Variants in ATP1B4 observed in about 807,000 individuals in gnomAD.
ATP1B4 encodes ATPase Na+/K+ transporting family member beta 4, also known as protein ATP1B4.
ATP1B4 carries 32 observed loss-of-function variants against 29.6 expected under a neutral mutation model. The ratio of observed to expected loss-of-function variants is 1.08; its 90% CI spans 0.82 to 1.45. The LOEUF (loss-of-function observed/expected upper bound fraction) is 1.45. ATP1B4 is among the 40% of genes most tolerant of loss of function. ATP1B4 has a pLI of 0.00. For missense variants in ATP1B4, 323 were observed against 276.2 expected, an observed-to-expected ratio of 1.17 and a Z score of -1.20; for synonymous variants, 127 against 102.1, an observed-to-expected ratio of 1.24 and a Z score of -1.47.
rs368302805 is a variant in ATP1B4, at chrX:120,366,698, C to A, written c.237C>A (p.Gly79=). The change falls in exon 2 of 8, where the codon GGC becomes GGA. Residue 79 remains glycine (G), a synonymous_variant. Coordinates refer to ENST00000218008, the MANE Select transcript of ATP1B4 (RefSeq NM_001142447.3). The part of the protein sequence containing the change: ...EEEEGQGQPT[G]NAWWQKLQIM... ...AAGAGGGTCAAGGTCAGCCAACAGG[C>A]AATGCCTGGTGGCAGAAATTGCAGA... is the stretch of plus-strand genomic sequence containing the variant. 6.9e-5 allele frequency: 83 copies of A among 1,209,316 alleles called. No individual in the cohort carries two copies. The highest frequency in any genetic ancestry group is 8.8e-5 in the Non-Finnish European group (79 of 894,991).
In ATP1B4 at chrX:120,372,442, T is replaced by C. The variant is rs905822705; in HGVS notation, c.562+1232T>C. Among the ~76,000 whole-genome samples the C allele has an allele frequency of 2.4e-4, 27 of 111,987 alleles. 1 individual carries two copies. In the Admixed American group the frequency reaches 2.5e-3, roughly 10 times the overall value. On this transcript the variant is annotated intron_variant, in intron 4 of 7. Transcript: ENST00000218008. Reference sequence around the variant, plus strand: ...CTTTAACTCTGCATAATAAAGTTGATCACGCTCATTTTATAAATGAGAAAA... The same window carrying C: ...CTTTAACTCTGCATAATAAAGTTGACCACGCTCATTTTATAAATGAGAAAA...
At chrX:120,374,939 ACCTTGAATGTTTCAGTC>A (rs1283692927) in intron 4 of ATP1B4, among the ~76,000 whole-genome samples, 17 of 99,581 alleles carry the variant, frequency 1.7e-4, no homozygotes, top group African/African-American at 5.5e-4. Flanking sequence ...TATATACCAT[ACCTTGAATGTTTCAGTC>A]CCTCTTCCAA....
intron 2 of ATP1B4, among the ~76,000 whole-genome samples, chrX:120,368,788 G>A (rs906496829): frequency 8.9e-6 from 1 of 111,852 alleles, no homozygotes; most frequent in Admixed American, 9.5e-5. Flanking sequence ...GTTACTTAGT[G>A]GTCTATTCAA....
At position 120,381,955 on chromosome X, in the gene ATP1B4, T is replaced by A. The variant is rs1186352993; in HGVS notation, c.*2321T>A. 8.9e-6 allele frequency: 1 copy of A among 111,839 alleles called. No homozygotes were observed. The highest frequency in any genetic ancestry group is 1.9e-5 in the Non-Finnish European group (1 of 53,170). The allele number at this position is 111,839 out of a possible 1,213,427, so 9.2% of individuals were successfully genotyped here. ...GGTTTGGAGAGATCAATTTTGAACA[T>A]TTTAGACATGATTTTCTATTGGTCA... On this transcript the variant is annotated 3_prime_UTR_variant, in exon 8 of 8. Coordinates refer to ENST00000218008, the MANE Select transcript of ATP1B4 (RefSeq NM_001142447.3).
Position 120,379,949 on chromosome X carries a change from C to T in ATP1B4, c.*315C>T, listed in dbSNP as rs929745058. The T allele has an allele frequency of 8.5e-5, 14 of 165,257 alleles. No individual in the cohort carries two copies. Among genetic ancestry groups the T allele is most frequent in the Admixed American group, 1.6e-4 (2 of 12,190 alleles). The allele number at this position is 165,257 out of a possible 1,213,427, so 13.6% of individuals were successfully genotyped here. On this transcript the variant is annotated 3_prime_UTR_variant, in exon 8 of 8. Coordinates refer to ENST00000218008, the MANE Select transcript of ATP1B4 (RefSeq NM_001142447.3). ...TATCTGATAAAATTTACAATAGCCA[C>T]GCAATAGCCATCAAGGAGAATTTCT...
intron 4 of ATP1B4, among the ~76,000 whole-genome samples, chrX:120,374,215 A>T (rs2058328572): frequency 9.1e-6 from 1 of 110,092 alleles, no homozygotes; most frequent in African/African-American, 3.3e-5. Flanking sequence ...TTGGGTCTGC[A>T]GTGCCCCGCC....
chrX:120,362,258 G>C (rs772042850), intron 1 of ATP1B4, 27 bp downstream of exon 1: 1 of 1,176,741 alleles, frequency 8.5e-7, no homozygotes, highest in East Asian at 3.0e-5. Flanking sequence ...AGAATATTTT[G>C]CTGCCCCCTC....
At chrX:120,377,744 A>G (rs2058363437) in intron 6 of ATP1B4, among the ~76,000 whole-genome samples, 1 of 112,011 alleles carries the variant, frequency 8.9e-6, no homozygotes, top group Admixed American at 9.5e-5. Context: ...ATATATTAAG[A>G]ATCTCTATAC....
At position 120,379,903 on chromosome X, in the gene ATP1B4, C is replaced by T. The variant is rs937272164; in HGVS notation, c.*269C>T. 8 of 250,551 alleles carry T rather than the reference C, an allele frequency of 3.2e-5. No homozygotes were observed. Among genetic ancestry groups the T allele is most frequent in the Non-Finnish European group, 5.6e-5 (8 of 143,757 alleles). 20.6% of individuals were successfully genotyped at this position (250,551 alleles called of 1,213,427 possible). ...AAAGCCTGTTCTTGCTGCTGGTAAT[C>T]TCCCTGTAGCGTAAACATAGTATCT... On this transcript the variant is annotated 3_prime_UTR_variant, in exon 8 of 8. Transcript: ENST00000218008.
Position 120,362,675 on chromosome X carries a change from A to C in ATP1B4, c.63+444A>C, listed in dbSNP as rs781330209. Among the ~76,000 whole-genome samples, 27 of 111,590 alleles carry C rather than the reference A, an allele frequency of 2.4e-4. 1 individual carries two copies. The highest frequency in any genetic ancestry group is 5.7e-5 in the Non-Finnish European group (3 of 53,075). On this transcript the variant is annotated intron_variant, in intron 1 of 7. Transcript: ENST00000218008. ...TTAGAGTCCAGCTGCTCTCTTTCTA[A>C]AGTAGAAATTCCAAACTATAGCTAA... is the stretch of plus-strand genomic sequence containing the variant.
In ATP1B4 at chrX:120,379,690, C is replaced by G. The variant is rs777660538; in HGVS notation, c.*56C>G. The G allele has an allele frequency of 2.8e-5, 30 of 1,086,480 alleles. No individual in the cohort carries two copies. In the Middle Eastern group the frequency reaches 1.7e-3, roughly 62 times the overall value. 89.5% of individuals were successfully genotyped at this position (1,086,480 alleles called of 1,213,427 possible). The stretch of plus-strand genomic sequence containing the variant: ...GTTTCTGTTTTATCTCATGGTATCT[C>G]TGGTAGCACCTGAATTCTTTTTCTT... On this transcript the variant is annotated 3_prime_UTR_variant, in exon 8 of 8. Coordinates refer to ENST00000218008, the MANE Select transcript of ATP1B4 (RefSeq NM_001142447.3).
intron 2 of ATP1B4, among the ~76,000 whole-genome samples, chrX:120,370,024 T>C (rs1030347700): frequency 8.9e-6 from 1 of 111,827 alleles, no homozygotes; most frequent in African/African-American, 3.3e-5. Flanking sequence ...CCATCTTACC[T>C]GTGAGGAATT....
Position 120,366,771 on chromosome X carries a change from C to T in ATP1B4, c.310C>T (p.Arg104Ter), listed in dbSNP as rs768162092. Residue 104 changes from arginine (R) to a stop codon, truncating the protein, a stop_gained, in exon 2 of 8, where the codon CGA becomes TGA. Coordinates refer to ENST00000218008, the MANE Select transcript of ATP1B4 (RefSeq NM_001142447.3). LOFTEE classifies it high-confidence loss of function. ...WDPERRMFLARTGQSWSLILL... is the reference protein window; with the variant it reads ...WDPERRMFLA The stretch of plus-strand genomic sequence containing the variant: ...TCCAGAGAGAAGGATGTTTCTGGCC[C>T]GAACAGGTCAGAGTTGGAGTAAGTC... 13 of 1,210,439 alleles carry T rather than the reference C, an allele frequency of 1.1e-5. No individual in the cohort carries two copies. The highest frequency in any genetic ancestry group is 6.5e-5 in the Admixed American group (3 of 46,023).
intron 2 of ATP1B4, among the ~76,000 whole-genome samples, chrX:120,370,249 A>G (rs1372434183): frequency 1.8e-5 from 2 of 112,269 alleles, no homozygotes; most frequent in Non-Finnish European, 3.8e-5. Context: ...GTGGAAATTC[A>G]TCAAAAGTTT....
In ATP1B4 at chrX:120,380,454, T is replaced by C. The variant is rs1010443328; in HGVS notation, c.*820T>C. Reference sequence around the variant, plus strand: ...TAGAGATGAAGACCGTCCTTGTGACTTTTTAAAGAGGTGGGGCTCACTGCA... The same window carrying C: ...TAGAGATGAAGACCGTCCTTGTGACCTTTTAAAGAGGTGGGGCTCACTGCA... On this transcript the variant is annotated 3_prime_UTR_variant, in exon 8 of 8. Coordinates refer to ENST00000218008, the MANE Select transcript of ATP1B4 (RefSeq NM_001142447.3). 5.3e-5 allele frequency: 6 copies of C among 112,349 alleles called. No homozygotes were observed. The highest frequency in any genetic ancestry group is 1.9e-4 in the African/African-American group (6 of 30,904). 9.3% of individuals were successfully genotyped at this position (112,349 alleles called of 1,213,427 possible). A position where few individuals can be genotyped will look rare whatever the true frequency, so the allele number is the denominator to read the frequency against.
At chrX:120,378,068 TA>T (rs1245923726) in intron 6 of ATP1B4, among the ~76,000 whole-genome samples, 3 of 110,729 alleles carry the variant, frequency 2.7e-5, no homozygotes, top group African/African-American at 9.9e-5. Flanking sequence ...TCTTGTTGCT[TA>T]CCCCTCTGAC....
Position 120,370,735 on chromosome X carries a change from T to C in ATP1B4, c.349T>C (p.Phe117Leu). The C allele has an allele frequency of 8.3e-7, 1 of 1,211,572 alleles. No individual in the cohort carries two copies. Among genetic ancestry groups the C allele is most frequent in the South Asian group, 1.8e-5 (1 of 56,955 alleles). The change falls in exon 3 of 8, where the codon TTC (phenylalanine) becomes CTC (leucine). Residue 117 changes from phenylalanine to leucine, a missense_variant. By Grantham distance (22) the Phe-to-Leu change is conservative. Coordinates refer to ENST00000218008, the MANE Select transcript of ATP1B4 (RefSeq NM_001142447.3). ...QSWSLILLIY[F>L]FFYASLAAVI... ...TGCAGGCCTGATCTTACTCATTTACTTCTTCTTCTATGCCTCCTTGGCTGC... is the reference window on the plus strand; with the variant it reads ...TGCAGGCCTGATCTTACTCATTTACCTCTTCTTCTATGCCTCCTTGGCTGC...
At chrX:120,374,834 T>A (rs1602506818) in intron 4 of ATP1B4, among the ~76,000 whole-genome samples, 1 of 47,238 alleles carries the variant, frequency 2.1e-5, no homozygotes, top group African/African-American at 7.9e-5. Flanking sequence ...ATATATATAT[T>A]ATATATAAGG....
At chrX:120,372,717 T>G (rs2058319967) in intron 4 of ATP1B4, among the ~76,000 whole-genome samples, 1 of 112,549 alleles carries the variant, frequency 8.9e-6, no homozygotes, top group African/African-American at 3.2e-5. Flanking sequence ...TGAGACATGC[T>G]GCTTTTCATA....
Sources: allele counts gnomAD v4.1 joint callset (sites outside exome capture counted in the v4.1 genomes callset), GRCh38; gene constraint gnomAD v4.1.1; transcripts MANE v1.5; gene names NCBI Gene and HGNC (gene_info 2026-07-23, HGNC 2026-07-21).